Variants in DPP10 observed in about 807,000 individuals in gnomAD.
The protein encoded by DPP10 is dipeptidyl peptidase like 10.
In DPP10, 33 loss-of-function variants were observed where a neutral mutation model predicts 120.9. That is an observed-to-expected ratio of 0.27 (90% CI 0.21 to 0.37). DPP10 has a LOEUF of 0.37. DPP10 is among the 10% of genes least tolerant of loss of function. The pLI, the probability that DPP10 is intolerant of heterozygous loss-of-function variation, is 1.00. For missense variants in DPP10, 816 were observed against 942.8 expected, an observed-to-expected ratio of 0.87 and a Z score of 1.76; for synonymous variants, 337 against 326.1, an observed-to-expected ratio of 1.03 and a Z score of -0.36.
intron 1 of DPP10, among the ~76,000 whole-genome samples, chr2:115,094,906 A>T (rs1709586928): frequency 6.6e-6 from 1 of 152,204 alleles, no homozygotes; most frequent in African/African-American, 2.4e-5. Flanking sequence ...ACAATTTAAA[A>T]ACAAAACAAA....
intron 1 of DPP10, among the ~76,000 whole-genome samples, chr2:115,145,427 T>C (rs954615813): frequency 6.6e-6 from 1 of 152,192 alleles, no homozygotes; most frequent in African/African-American, 2.4e-5. Context: ...ACTGACTTCT[T>C]TTACTTAGTA....
At chr2:114,560,854 T>TCACTATAC (rs1688709312) in intron 1 of DPP10, among the ~76,000 whole-genome samples, 1 of 152,218 alleles carries the variant, frequency 6.6e-6, no homozygotes, top group African/African-American at 2.4e-5. Context: ...CAAGCGTATG[T>TCACTATAC]TTGATTCACT....
intron 1 of DPP10, among the ~76,000 whole-genome samples, chr2:114,751,667 G>A (rs1199416938): frequency 6.6e-6 from 1 of 152,210 alleles, no homozygotes; most frequent in Admixed American, 6.5e-5. Context: ...CGAGGGCAGA[G>A]CATATAGAAA....
intron 1 of DPP10, chr2:114,835,079 C>CT (rs1189376916): frequency 6.7e-6 from 1 of 149,974 alleles, no homozygotes; most frequent in African/African-American, 2.5e-5. Context: ...TAAGCCATAT[C>CT]TACACACCTA....
intron 1 of DPP10, among the ~76,000 whole-genome samples, chr2:114,520,275 A>G (rs1156630526): frequency 6.6e-6 from 1 of 152,210 alleles, no homozygotes; most frequent in Non-Finnish European, 1.5e-5. Flanking sequence ...ATTTAGGCCA[A>G]CACACATCAG....
At chr2:115,297,048 A>G (rs1177118604) in intron 1 of DPP10, among the ~76,000 whole-genome samples, 1 of 152,110 alleles carries the variant, frequency 6.6e-6, no homozygotes, top group African/African-American at 2.4e-5. Flanking sequence ...AAATTGATAT[A>G]GATGAAACAG....
chr2:115,810,263 A>G (rs1484973834), intron 19 of DPP10, among the ~76,000 whole-genome samples: 1 of 152,192 alleles, frequency 6.6e-6, no homozygotes, highest in African/African-American at 2.4e-5. Context: ...AAAAAAACCA[A>G]TTAATTCCTC....
chr2:115,239,907 C>T (rs1454136729), intron 1 of DPP10, among the ~76,000 whole-genome samples: 1 of 152,192 alleles, frequency 6.6e-6, no homozygotes, highest in Non-Finnish European at 1.5e-5. Flanking sequence ...CCAGCTTCAT[C>T]TGTGTCCCTG....
At chr2:115,403,417 T>C (rs1184127384) in intron 3 of DPP10, among the ~76,000 whole-genome samples, 1 of 96,476 alleles carries the variant, frequency 1.0e-5, no homozygotes, top group Non-Finnish European at 2.1e-5. Context: ...TTTTTTTTTT[T>C]GATACAGAGT....
At chr2:115,753,134 C>G (rs370723740) in intron 10 of DPP10, 40 bp from the exon 11 acceptor site, 1 of 1,585,234 alleles carries the variant, frequency 6.3e-7, no homozygotes, top group Non-Finnish European at 8.6e-7. Context: ...TATCAATGCT[C>G]TGGCTCTAAA....
At chr2:114,481,863 C>T (rs552343274) in intron 1 of DPP10, among the ~76,000 whole-genome samples, 1 of 149,644 alleles carries the variant, frequency 6.7e-6, no homozygotes, top group African/African-American at 2.5e-5. Flanking sequence ...GCATGTTCTT[C>T]ACAAGGAGAG....
Position 114,442,845 on chromosome 2 carries a change from T to C in DPP10, c.60+7T>C, listed in dbSNP as rs143908660. On this transcript the variant is annotated splice_region_variant and intron_variant, in intron 1 of 25. Transcript: ENST00000410059. Reference sequence around the variant, plus strand: ...ACCCTCAAAAACAATCAAGGTAGGATCTGGTTTTTCCCTCTGCTTCTGCAC... The same window carrying C: ...ACCCTCAAAAACAATCAAGGTAGGACCTGGTTTTTCCCTCTGCTTCTGCAC... 54 of 1,613,236 alleles carry C rather than the reference T, an allele frequency of 3.3e-5. No homozygotes were observed. In the African/African-American group the frequency reaches 6.7e-4, roughly 20 times the overall value.
At chr2:115,699,033 AAAC>A (rs1331207083) in intron 7 of DPP10, among the ~76,000 whole-genome samples, 366 of 31,376 alleles carry the variant, frequency 0.012, 17 homozygotes, top group African/African-American at 0.03. Context: ...AAAAAAAAAA[AAAC>A]AAAAAAAAAA....
In DPP10 at chr2:114,558,351, G is replaced by A. The variant is rs78518578; in HGVS notation, c.60+115513G>A. Among the ~76,000 whole-genome samples, 37 of 152,292 alleles carry A rather than the reference G, an allele frequency of 2.4e-4. No individual in the cohort carries two copies. In the East Asian group the frequency reaches 6.6e-3, roughly 27 times the overall value. On this transcript the variant is annotated intron_variant, in intron 1 of 25. Transcript: ENST00000410059. ...TTGGGCTCTCTTTCTGGTCTTGAATGCATCGAGTTTTTATTTGTCTCAGTG... is the reference window on the plus strand; with the variant it reads ...TTGGGCTCTCTTTCTGGTCTTGAATACATCGAGTTTTTATTTGTCTCAGTG...
Position 115,235,183 on chromosome 2 carries a change from A to T in DPP10, c.61-74056A>T, listed in dbSNP as rs374362284. Among the ~76,000 whole-genome samples, 31 of 152,300 alleles carry T rather than the reference A, an allele frequency of 2.0e-4. No individual in the cohort carries two copies. In the East Asian group the frequency reaches 3.5e-3, roughly 17 times the overall value. The stretch of plus-strand genomic sequence containing the variant: ...AACCTCTGTGCAAGGAAGTTCAGAG[A>T]ATTGGACTTACCTTTGTAAGAATAA... On this transcript the variant is annotated intron_variant, in intron 1 of 25. Transcript: ENST00000410059.
chr2:114,455,451 A>G (rs1174914658), intron 1 of DPP10, among the ~76,000 whole-genome samples: 1 of 151,980 alleles, frequency 6.6e-6, no homozygotes, highest in Non-Finnish European at 1.5e-5. Context: ...AGGCTGAGGC[A>G]GGAGAATCGC....
intron 1 of DPP10, among the ~76,000 whole-genome samples, chr2:114,556,997 C>T (rs1688367431): frequency 1.5e-5 from 1 of 65,060 alleles, no homozygotes; most frequent in Non-Finnish European, 3.2e-5. Context: ...ATAGCAAAGA[C>T]AGCTTTTTTT....
chr2:115,133,633 C>A (rs1293986784), intron 1 of DPP10, among the ~76,000 whole-genome samples: 1 of 152,070 alleles, frequency 6.6e-6, no homozygotes, highest in Non-Finnish European at 1.5e-5. Context: ...GATGAGTGAG[C>A]TGCTCATGGA....
At chr2:115,822,395 GTTC>G (rs1297601245) in intron 21 of DPP10, among the ~76,000 whole-genome samples, 1 of 151,730 alleles carries the variant, frequency 6.6e-6, no homozygotes, top group African/African-American at 2.4e-5. Flanking sequence ...CTTCCATCTT[GTTC>G]TTCTTTTTCA....
Sources: allele counts gnomAD v4.1 joint callset (sites outside exome capture counted in the v4.1 genomes callset), GRCh38; gene constraint gnomAD v4.1.1; transcripts MANE v1.5; gene names NCBI Gene and HGNC (gene_info 2026-07-23, HGNC 2026-07-21).